Variants in MMP20 observed in about 807,000 individuals in gnomAD.
The protein encoded by MMP20 is matrix metallopeptidase 20, also known as matrix metalloproteinase-20.
Under a neutral mutation model 51.8 loss-of-function variants are expected in MMP20, and 50 were observed. That is an observed-to-expected ratio of 0.97 (90% confidence interval 0.77 to 1.22). MMP20 has a LOEUF of 1.22. MMP20 is among the 50% of genes most tolerant of loss of function. MMP20 has a pLI of 0.00. For missense variants in MMP20, 663 were observed against 601.4 expected, an observed-to-expected ratio of 1.10 and a Z score of -1.07; for synonymous variants, 244 against 216.2, an observed-to-expected ratio of 1.13 and a Z score of -1.13.
chr11:102,624,225 C>T lies in MMP20; in HGVS notation c.126+969G>A, dbSNP rs114218582. ...GGCAGTCAGGAAAGCAGCCCTGAGG[C>T]GGAGCTGGTGATCACAGATGTGCTG... On this transcript the variant is annotated intron_variant, in intron 1 of 9. Coordinates refer to ENST00000260228, the MANE Select transcript of MMP20 (RefSeq NM_004771.4). Among the ~76,000 whole-genome samples the T allele has an allele frequency of 6.8e-3, 1,030 of 152,246 alleles. 17 individuals carry two copies. The highest frequency in any genetic ancestry group is 0.023 in the African/African-American group (972 of 41,530).
intron 1 of MMP20, among the ~76,000 whole-genome samples, chr11:102,618,929 T>A (rs769525204): frequency 2.0e-5 from 3 of 152,148 alleles, no homozygotes; most frequent in Non-Finnish European, 4.4e-5. Flanking sequence ...CTCCCTGCCC[T>A]TCCTGTGAGA....
At chr11:102,591,956 T>C (rs1361176365) in intron 8 of MMP20, among the ~76,000 whole-genome samples, 1 of 152,266 alleles carries the variant, frequency 6.6e-6, no homozygotes, top group Middle Eastern at 3.4e-3. Flanking sequence ...AGAGAGACAA[T>C]GGGAGAGTGG....
intron 6 of MMP20, among the ~76,000 whole-genome samples, chr11:102,597,981 G>C (rs1394361533): frequency 9.1e-6 from 1 of 109,870 alleles, no homozygotes; most frequent in Non-Finnish European, 2.2e-5. Flanking sequence ...TGGTCAGGCT[G>C]GTCTCGAACT....
At chr11:102,615,959 A>C (rs1181309281) in intron 2 of MMP20, among the ~76,000 whole-genome samples, 1 of 151,958 alleles carries the variant, frequency 6.6e-6, no homozygotes, top group Non-Finnish European at 1.5e-5. Flanking sequence ...CCTTGGTTGG[A>C]CCAACCTGGG....
intron 6 of MMP20, among the ~76,000 whole-genome samples, chr11:102,599,508 A>G (rs2135936583): frequency 6.6e-6 from 1 of 152,256 alleles, no homozygotes; most frequent in East Asian, 1.9e-4. Context: ...TATCTGCACA[A>G]ACACTTAAAA....
rs36075826 is a variant in MMP20 at position 102,581,177 on chromosome 11, CCA to C, written c.1248-2037_1248-2036del. On this transcript the variant is annotated intron_variant, in intron 8 of 9. Coordinates refer to ENST00000260228, the MANE Select transcript of MMP20 (RefSeq NM_004771.4). The stretch of plus-strand genomic sequence containing the variant: ...ACACACACACATGCACACGCACACA[CCA>C]CACACACACACACACACACACCTGG... Among the ~76,000 whole-genome samples the C allele has an allele frequency of 3.2e-3, 484 of 149,046 alleles. 4 individuals are homozygous for C. The East Asian group carries it at 0.054, about 17-fold the overall frequency.
In MMP20 at chr11:102,625,209, G is replaced by A. The variant is rs1859806274; in HGVS notation, c.111C>T (p.Asn37=). ...VAASPRTWRN[N]YRLAQAYLDK... ...ATTCACAAACCTGTGCGAGGCGGTA[G>A]TTGTTCCTCCAGGTCCTGGGGGAGG... Residue 37 remains asparagine (N), a synonymous_variant, in exon 1 of 10, where the codon AAC becomes AAT. Coordinates refer to ENST00000260228, the MANE Select transcript of MMP20 (RefSeq NM_004771.4). 2.5e-6 allele frequency: 4 copies of A among 1,614,020 alleles called. No homozygotes were observed. The highest frequency in any genetic ancestry group is 2.5e-6 in the Non-Finnish European group (3 of 1,179,972).
intron 1 of MMP20, among the ~76,000 whole-genome samples, chr11:102,619,622 T>G (rs187952968): frequency 1.7e-4 from 26 of 152,322 alleles, no homozygotes; most frequent in African/African-American, 6.3e-4. Context: ...TTCAAAATTT[T>G]AAATACAGGA....
rs149555404 is a variant in MMP20, at chr11:102,586,811, C to T, written c.1247+6628G>A. ...CAGCCTGGGGGACAGAGCAAGACTCCGCCTCAAAAAAAAAAAATTGTTTCT... is the reference window on the plus strand; with the variant it reads ...CAGCCTGGGGGACAGAGCAAGACTCTGCCTCAAAAAAAAAAAATTGTTTCT... On this transcript the variant is annotated intron_variant, in intron 8 of 9. Transcript: ENST00000260228. Among the ~76,000 whole-genome samples, 828 of 150,824 alleles carry T rather than the reference C, an allele frequency of 5.5e-3. 12 individuals are homozygous for T. Among genetic ancestry groups the T allele is most frequent in the African/African-American group, 0.019 (785 of 41,096 alleles).
At chr11:102,604,023 T>G (rs1202051612) in intron 6 of MMP20, among the ~76,000 whole-genome samples, 3 of 37,252 alleles carry the variant, frequency 8.1e-5, no homozygotes, top group Non-Finnish European at 2.2e-4. Flanking sequence ...CAGAGGTGTT[T>G]TTTTTTTTTG....
At chr11:102,620,945 C>T (rs776357639) in intron 1 of MMP20, among the ~76,000 whole-genome samples, 1 of 152,194 alleles carries the variant, frequency 6.6e-6, no homozygotes, top group Non-Finnish European at 1.5e-5. Flanking sequence ...CAGCAGCTCT[C>T]TCATCAGCAG....
intron 5 of MMP20, chr11:102,607,640 T>C (rs17174473): frequency 0.42 from 63,011 of 151,786 alleles, 13,400 homozygotes; most frequent in South Asian, 0.59. Flanking sequence ...AGCGATCGGG[T>C]GGGTGATATG....
intron 6 of MMP20, among the ~76,000 whole-genome samples, chr11:102,598,776 G>A (rs2135936242): frequency 6.6e-6 from 1 of 152,214 alleles, no homozygotes; most frequent in East Asian, 1.9e-4. Flanking sequence ...ATGTTGTTGA[G>A]CCTTAAAGGT....
chr11:102,611,763 T>G lies in MMP20; in HGVS notation c.515A>C (p.Glu172Ala), dbSNP rs879128445. The change falls in exon 3 of 10, where the codon GAA becomes GCA. Residue 172 changes from glutamate to alanine, a missense_variant. By Grantham distance (107) the Glu-to-Ala change is moderately radical (BLOSUM62 -1). Transcript: ENST00000260228. ...TCCAAGTACCACAATACCTCCATTT[T>G]CAAAAGATATCATAATATCCGCTTC... ...SGEADIMISF[E>A]NGDHGDSYPF... is the part of the protein sequence containing the mutation. 6 of 1,614,054 alleles carry G rather than the reference T, an allele frequency of 3.7e-6. No homozygotes were observed. In the Admixed American group the frequency reaches 1.0e-4, roughly 27 times the overall value.
At chr11:102,615,628 G>A (rs902390679) in intron 2 of MMP20, among the ~76,000 whole-genome samples, 4 of 152,162 alleles carry the variant, frequency 2.6e-5, no homozygotes, top group African/African-American at 9.7e-5. Flanking sequence ...TCACGCTCTA[G>A]TTGCCCTTCA....
chr11:102,597,074 A>G (rs886726080), intron 6 of MMP20, among the ~76,000 whole-genome samples: 2 of 152,192 alleles, frequency 1.3e-5, no homozygotes, highest in South Asian at 2.1e-4. Context: ...TATTATAATG[A>G]TGAGGCCATG....
chr11:102,578,661 G>A (rs1859154740), intron 9 of MMP20, among the ~76,000 whole-genome samples: 1 of 152,134 alleles, frequency 6.6e-6, no homozygotes, highest in Admixed American at 6.5e-5. Context: ...GCTCGAATCT[G>A]GGAGGCAGAA....
At chr11:102,614,493 A>T (rs1249462716) in intron 2 of MMP20, among the ~76,000 whole-genome samples, 1 of 152,234 alleles carries the variant, frequency 6.6e-6, no homozygotes, top group African/African-American at 2.4e-5. Flanking sequence ...TGTTGTACAT[A>T]GTCATGGACT....
At chr11:102,624,158 G>A (rs1859786487) in intron 1 of MMP20, among the ~76,000 whole-genome samples, 1 of 152,216 alleles carries the variant, frequency 6.6e-6, no homozygotes, top group African/African-American at 2.4e-5. Flanking sequence ...GTGCAAATCA[G>A]CTCTACGATG....
Sources: allele counts gnomAD v4.1 joint callset (sites outside exome capture counted in the v4.1 genomes callset), GRCh38; gene constraint gnomAD v4.1.1; transcripts MANE v1.5; gene names NCBI Gene and HGNC (gene_info 2026-07-23, HGNC 2026-07-21).